CNTN5: variants seen among roughly 807,000 people sequenced by gnomAD.
CNTN5 encodes the protein contactin 5, also known as contactin-5.
Under a neutral mutation model 129.1 loss-of-function variants are expected in CNTN5, and 77 were observed. That is an observed-to-expected ratio of 0.60 (90% CI 0.50 to 0.72). CNTN5 has a LOEUF of 0.72. CNTN5 is among the 30% of genes least tolerant of loss of function. The pLI, the probability that CNTN5 is intolerant of heterozygous loss-of-function variation, is 0.00. For synonymous variants in CNTN5, 509 were observed against 465.6 expected, an observed-to-expected ratio of 1.09 and a Z score of -1.20; for missense variants, 1,478 against 1,328.8, an observed-to-expected ratio of 1.11 and a Z score of -1.75.
intron 2 of CNTN5, among the ~76,000 whole-genome samples, chr11:99,418,841 T>A (rs1942770992): frequency 6.6e-6 from 1 of 152,174 alleles, no homozygotes; most frequent in African/African-American, 2.4e-5. Context: ...AAAGTCCATG[T>A]CCTACTTTAT....
intron 3 of CNTN5, among the ~76,000 whole-genome samples, chr11:99,565,025 T>C (rs1948957681): frequency 6.6e-6 from 1 of 152,228 alleles, no homozygotes; most frequent in Admixed American, 6.5e-5. Context: ...AACATTTCAA[T>C]AAGTATATCA....
chr11:99,050,956 T>G (rs1420963847), intron 1 of CNTN5, among the ~76,000 whole-genome samples: 1 of 151,958 alleles, frequency 6.6e-6, no homozygotes, highest in Non-Finnish European at 1.5e-5. Context: ...CATATGTATT[T>G]GCGTATTAAT....
intron 3 of CNTN5, among the ~76,000 whole-genome samples, chr11:99,711,223 G>A (rs1044076363): frequency 1.3e-5 from 2 of 151,834 alleles, no homozygotes; most frequent in African/African-American, 4.8e-5. Flanking sequence ...CAACTCTATA[G>A]AGATAGATGA....
intron 2 of CNTN5, among the ~76,000 whole-genome samples, chr11:99,338,981 G>GTATA (rs1555115078): frequency 6.4e-4 from 80 of 125,828 alleles, no homozygotes; most frequent in African/African-American, 2.2e-3. Context: ...GTGTGTGTGT[G>GTATA]TATATATATA....
intron 2 of CNTN5, among the ~76,000 whole-genome samples, chr11:99,485,479 G>A (rs1278140746): frequency 6.6e-6 from 1 of 152,046 alleles, no homozygotes; most frequent in Non-Finnish European, 1.5e-5. Context: ...TGTAACATAT[G>A]TACCATTGTG....
At chr11:99,144,042 A>G (rs1015007078) in intron 1 of CNTN5, among the ~76,000 whole-genome samples, 3 of 152,180 alleles carry the variant, frequency 2.0e-5, no homozygotes, top group Non-Finnish European at 4.4e-5. Context: ...ATCATAATGA[A>G]TATACATTTT....
At chr11:99,789,502 A>G (rs1285419230) in intron 3 of CNTN5, among the ~76,000 whole-genome samples, 1 of 152,040 alleles carries the variant, frequency 6.6e-6, no homozygotes, top group Non-Finnish European at 1.5e-5. Flanking sequence ...ATAAACTGAC[A>G]AAATATTGCA....
chr11:100,190,584 G>A (rs185900143), intron 13 of CNTN5, among the ~76,000 whole-genome samples: 22 of 152,194 alleles, frequency 1.4e-4, no homozygotes, highest in Admixed American at 8.5e-4. Flanking sequence ...TTTAGAAAGT[G>A]CAGTGCAAGC....
intron 1 of CNTN5, among the ~76,000 whole-genome samples, chr11:99,168,869 A>C (rs954743202): frequency 6.6e-6 from 1 of 152,234 alleles, no homozygotes; most frequent in Non-Finnish European, 1.5e-5. Flanking sequence ...ATAGCACTGA[A>C]TTCTAAATGA....
intron 13 of CNTN5, among the ~76,000 whole-genome samples, chr11:100,103,167 G>A (rs1945287009): frequency 6.6e-6 from 1 of 152,192 alleles, no homozygotes; most frequent in Non-Finnish European, 1.5e-5. Flanking sequence ...TATTTTAAAT[G>A]TTAGTAAATG....
chr11:99,155,323 T>A (rs1330740042), intron 1 of CNTN5, among the ~76,000 whole-genome samples: 1 of 152,234 alleles, frequency 6.6e-6, no homozygotes, highest in Non-Finnish European at 1.5e-5. Flanking sequence ...TTATCACTTT[T>A]AATTTCTTTG....
At chr11:99,225,892 C>T (rs887866712) in intron 1 of CNTN5, among the ~76,000 whole-genome samples, 1 of 152,126 alleles carries the variant, frequency 6.6e-6, no homozygotes, top group African/African-American at 2.4e-5. Context: ...CTTTGTTCTA[C>T]AGTTAAACAT....
intron 3 of CNTN5, among the ~76,000 whole-genome samples, chr11:99,669,840 C>T (rs1401605115): frequency 6.6e-6 from 1 of 152,136 alleles, no homozygotes; most frequent in Non-Finnish European, 1.5e-5. Context: ...GACATTTTCT[C>T]ATTCAACACC....
chr11:99,504,343 C>T (rs1039344429), intron 2 of CNTN5, among the ~76,000 whole-genome samples: 1 of 151,772 alleles, frequency 6.6e-6, no homozygotes, highest in South Asian at 2.1e-4. Flanking sequence ...GAGATCGAGA[C>T]CATCATGGCT....
chr11:100,078,731 T>G (rs1591194013), intron 13 of CNTN5, among the ~76,000 whole-genome samples: 2 of 152,212 alleles, frequency 1.3e-5, no homozygotes, highest in South Asian at 4.1e-4. Context: ...TAAAATATAT[T>G]GCCTAGTGTA....
chr11:100,233,140 T>C (rs1205008937), intron 16 of CNTN5, among the ~76,000 whole-genome samples: 1 of 152,172 alleles, frequency 6.6e-6, no homozygotes. Flanking sequence ...CCTTCCACTG[T>C]CAATTGCCAG....
intron 3 of CNTN5, among the ~76,000 whole-genome samples, chr11:99,816,086 C>A (rs1023041321): frequency 1.3e-5 from 2 of 152,124 alleles, no homozygotes; most frequent in African/African-American, 4.8e-5. Context: ...TATTAATAGA[C>A]TATAGCTAGA....
intron 8 of CNTN5, among the ~76,000 whole-genome samples, chr11:99,998,803 C>T (rs7942021): frequency 6.8e-6 from 1 of 147,552 alleles, no homozygotes; most frequent in African/African-American, 2.5e-5. Context: ...GGTACCAAAA[C>T]AGAGATATAG....
chr11:99,816,606 C>A (rs761268474), intron 3 of CNTN5, among the ~76,000 whole-genome samples: 1 of 152,158 alleles, frequency 6.6e-6, no homozygotes, highest in African/African-American at 2.4e-5. Flanking sequence ...TATTATCTCC[C>A]CATTTCTGAC....
Sources: allele counts gnomAD v4.1 joint callset (sites outside exome capture counted in the v4.1 genomes callset), GRCh38; gene constraint gnomAD v4.1.1; transcripts MANE v1.5; gene names NCBI Gene and HGNC (gene_info 2026-07-23, HGNC 2026-07-21).